Variants in PRR16 observed in about 807,000 individuals in gnomAD.
The protein encoded by PRR16 is proline rich 16.
PRR16 carries 6 observed loss-of-function variants against 18.2 expected under a neutral mutation model. The observed-to-expected ratio is 0.33, with a 90% CI of 0.18 to 0.65. PRR16 has a LOEUF of 0.65. Ranked by LOEUF, PRR16 falls within the 30% of genes least tolerant of loss-of-function variation. The pLI is 0.74. For missense variants in PRR16, 412 were observed against 376.6 expected, an observed-to-expected ratio of 1.09 and a Z score of -0.78; for synonymous variants, 151 against 147.8, an observed-to-expected ratio of 1.02 and a Z score of -0.16.
chr5:120,479,715 C>T (rs541182510), intron 1 of PRR16, among the ~76,000 whole-genome samples: 51 of 136,000 alleles, frequency 3.8e-4, no homozygotes, highest in Middle Eastern at 4.0e-3. Context: ...AACTTATTGC[C>T]GTTTACTGTT....
chr5:120,536,693 A>G (rs1447571835), intron 1 of PRR16, among the ~76,000 whole-genome samples: 1 of 152,250 alleles, frequency 6.6e-6, no homozygotes, highest in East Asian at 1.9e-4. Context: ...TTAAGTCAGA[A>G]TACTAGGATG....
chr5:120,639,907 G>A (rs1755365003), intron 1 of PRR16, among the ~76,000 whole-genome samples: 1 of 151,822 alleles, frequency 6.6e-6, no homozygotes, highest in Admixed American at 6.6e-5. Context: ...CATCAACATT[G>A]CACTGAATAA....
chr5:120,768,313 T>A, the PRR16 span, among the ~76,000 whole-genome samples: 1 of 151,912 alleles, frequency 6.6e-6, no homozygotes, highest in Non-Finnish European at 1.5e-5. Context: ...GTGCTAGCTA[T>A]TGTAATTTAT....
the PRR16 span, among the ~76,000 whole-genome samples, chr5:120,791,634 T>TCTATCCATC: frequency 7.0e-6 from 1 of 143,060 alleles, no homozygotes; most frequent in Non-Finnish European, 1.5e-5. Flanking sequence ...CATCCATCTA[T>TCTATCCATC]CATCTATCTA....
At chr5:120,562,881 C>A (rs768943924) in intron 1 of PRR16, among the ~76,000 whole-genome samples, 6 of 151,960 alleles carry the variant, frequency 3.9e-5, no homozygotes, top group Non-Finnish European at 7.4e-5. Flanking sequence ...TTTACTGGTT[C>A]ATTAGTCTTT....
At chr5:120,696,646 T>C in the PRR16 span, among the ~76,000 whole-genome samples, 1 of 152,220 alleles carries the variant, frequency 6.6e-6, no homozygotes, top group South Asian at 2.1e-4. Context: ...CTAGAGAAGA[T>C]GGACTGCTAC....
chr5:120,652,954 T>C (rs543513352), intron 1 of PRR16, among the ~76,000 whole-genome samples: 1 of 152,182 alleles, frequency 6.6e-6, no homozygotes, highest in Non-Finnish European at 1.5e-5. Context: ...CTAAAAATGT[T>C]CTAAAATAAA....
intron 1 of PRR16, among the ~76,000 whole-genome samples, chr5:120,490,885 G>A (rs536802290): frequency 1.6e-3 from 237 of 152,308 alleles, no homozygotes; most frequent in African/African-American, 5.4e-3. Flanking sequence ...AGGACCCTCA[G>A]CTGCAGGTCT....
At chr5:120,502,631 G>T (rs1750501987) in intron 1 of PRR16, among the ~76,000 whole-genome samples, 1 of 152,106 alleles carries the variant, frequency 6.6e-6, no homozygotes, top group African/African-American at 2.4e-5. Context: ...TCTTGGTTTA[G>T]ATTCTAGCCC....
chr5:120,484,950 C>T (rs1426280456), intron 1 of PRR16, among the ~76,000 whole-genome samples: 1 of 151,400 alleles, frequency 6.6e-6, no homozygotes, highest in African/African-American at 2.4e-5. Context: ...CGATTTAAAA[C>T]ATTGTATATA....
intron 1 of PRR16, among the ~76,000 whole-genome samples, chr5:120,582,606 ATTG>A (rs1239767020): frequency 6.6e-6 from 1 of 152,198 alleles, no homozygotes; most frequent in Non-Finnish European, 1.5e-5. Context: ...ATAAAGAAAT[ATTG>A]TTAAGGACTT....
intron 1 of PRR16, among the ~76,000 whole-genome samples, chr5:120,669,514 A>G (rs1326705421): frequency 6.6e-6 from 1 of 152,088 alleles, no homozygotes; most frequent in African/African-American, 2.4e-5. Context: ...ATTACTCAGA[A>G]TATTTAGATA....
chr5:120,592,959 C>T (rs560125539), intron 1 of PRR16, among the ~76,000 whole-genome samples: 2 of 151,918 alleles, frequency 1.3e-5, no homozygotes, highest in Non-Finnish European at 2.9e-5. Context: ...CTTTTAATTA[C>T]TAACTTAAGA....
chr5:120,505,077 A>G (rs1287845711), intron 1 of PRR16, among the ~76,000 whole-genome samples: 1 of 152,188 alleles, frequency 6.6e-6, no homozygotes, highest in Admixed American at 6.5e-5. Context: ...TCAAAATAAT[A>G]CTAAAAAAGA....
intron 1 of PRR16, among the ~76,000 whole-genome samples, chr5:120,490,178 C>T (rs1749974941): frequency 6.6e-6 from 1 of 152,094 alleles, no homozygotes; most frequent in Non-Finnish European, 1.5e-5. Context: ...CTCTGTATTG[C>T]CTGAATCTGA....
intron 1 of PRR16, among the ~76,000 whole-genome samples, chr5:120,616,186 A>T (rs1310384731): frequency 6.6e-6 from 1 of 152,148 alleles, no homozygotes; most frequent in East Asian, 1.9e-4. Context: ...AGCAAGCTGG[A>T]TGATCTAAGT....
chr5:120,572,021 A>G (rs1752923611), intron 1 of PRR16, among the ~76,000 whole-genome samples: 1 of 152,142 alleles, frequency 6.6e-6, no homozygotes, highest in African/African-American at 2.4e-5. Context: ...TGTTTGCATG[A>G]CAGTTTGTGA....
the PRR16 span, among the ~76,000 whole-genome samples, chr5:120,714,148 C>T: frequency 6.6e-6 from 1 of 151,554 alleles, no homozygotes; most frequent in Admixed American, 6.6e-5. Context: ...ATTAAGTTCA[C>T]TAAAAGAAAT....
the PRR16 span, among the ~76,000 whole-genome samples, chr5:120,754,652 T>G: frequency 7.5e-6 from 1 of 132,640 alleles, no homozygotes; most frequent in African/African-American, 2.8e-5. Context: ...TATTTATATA[T>G]TATATATTAA....
Sources: gnomAD v4.1 joint callset for allele counts (sites outside exome capture counted in the v4.1 genomes callset) on GRCh38, gnomAD v4.1.1 for gene constraint, MANE v1.5 for transcripts, NCBI Gene and HGNC (gene_info 2026-07-23, HGNC 2026-07-21) for gene names.